Variants in RIPOR2 observed in about 807,000 individuals in gnomAD.
RIPOR2 encodes the protein RHO family interacting cell polarization regulator 2.
A neutral mutation model predicts 114.5 loss-of-function variants in RIPOR2; 39 were observed. The observed-to-expected ratio is 0.34, with a 90% confidence interval of 0.26 to 0.44. RIPOR2 has a LOEUF of 0.44. RIPOR2 is among the 20% of genes least tolerant of loss of function. The pLI, the probability that RIPOR2 is intolerant of heterozygous loss-of-function variation, is 1.00. For synonymous variants in RIPOR2, 445 were observed against 484.4 expected, an observed-to-expected ratio of 0.92 and a Z score of 1.07; for missense variants, 1,007 against 1,255.1, an observed-to-expected ratio of 0.80 and a Z score of 2.99.
chr6:25,018,881 T>C (rs1776155936), intron 1 of RIPOR2, among the ~76,000 whole-genome samples: 1 of 152,188 alleles, frequency 6.6e-6, no homozygotes, highest in African/African-American at 2.4e-5. Context: ...ATTGAGAGTT[T>C]GGATATCTAT....
intron 21 of RIPOR2, among the ~76,000 whole-genome samples, chr6:24,809,497 T>G (rs965346563): frequency 6.6e-6 from 1 of 152,204 alleles, no homozygotes; most frequent in South Asian, 2.1e-4. Flanking sequence ...CCAGACAATA[T>G]AGTTCACTCT....
At chr6:25,024,162 T>A in intron 1 of RIPOR2, 2 of 1,219,816 alleles carry the variant, frequency 1.6e-6, no homozygotes, top group Non-Finnish European at 2.4e-6. Flanking sequence ...CCCCTCCTGC[T>A]GGGCGATTTC....
intron 8 of RIPOR2, among the ~76,000 whole-genome samples, chr6:24,859,549 GA>G (rs142406387): frequency 1.9e-4 from 29 of 152,078 alleles, no homozygotes; most frequent in Non-Finnish European, 3.8e-4. Context: ...CTAAAAAATG[GA>G]AAAAAGCACA....
At chr6:24,853,245 C>T (rs190132265) in intron 8 of RIPOR2, among the ~76,000 whole-genome samples, 83 of 152,294 alleles carry the variant, frequency 5.4e-4, no homozygotes, top group Non-Finnish European at 5.4e-4. Flanking sequence ...AAAAGAAAGA[C>T]GGGACTTTTC....
chr6:24,976,591 T>A lies in RIPOR2; in HGVS notation c.76+65260A>T, dbSNP rs189127763. 1,084 of 1,605,310 alleles carry A rather than the reference T, an allele frequency of 6.8e-4. 11 individuals are homozygous for A. The East Asian group carries it at 9.7e-3, about 14-fold the overall frequency. On this transcript the variant is annotated intron_variant, in intron 1 of 13. Transcript: ENST00000510784. ...CAAGGTCCCAAAGACAGCAGAAAAT[T>A]TTCGTGCTCTGAGCACTGGAGAGAA...
intron 1 of RIPOR2, among the ~76,000 whole-genome samples, chr6:24,915,315 C>G (rs1035113791): frequency 6.6e-6 from 1 of 151,266 alleles, no homozygotes; most frequent in African/African-American, 2.4e-5. Flanking sequence ...TTGAATTCTT[C>G]ATTTGCTGCT....
intron 1 of RIPOR2, among the ~76,000 whole-genome samples, chr6:24,903,938 A>G (rs1768715699): frequency 6.6e-6 from 1 of 152,238 alleles, no homozygotes; most frequent in Admixed American, 6.5e-5. Context: ...CAGCTGCGTC[A>G]GATAGAGTGA....
In RIPOR2 at chr6:24,996,980, C is replaced by G. The variant is rs145619808; in HGVS notation, c.76+44871G>C. Reference sequence around the variant, plus strand: ...CTAACTTGTTTTGGAATGGGTTTTCCTTAGGGGCAATCATACATACGCTGA... The same window carrying G: ...CTAACTTGTTTTGGAATGGGTTTTCGTTAGGGGCAATCATACATACGCTGA... On this transcript the variant is annotated intron_variant, in intron 1 of 13. Transcript: ENST00000510784. 1.9e-3 allele frequency among the ~76,000 whole-genome samples: 291 copies of G among 152,262 alleles called. 4 individuals carry two copies. The highest frequency in any genetic ancestry group is 0.018 in the East Asian group (95 of 5,188).
At chr6:24,874,373 A>G (rs1215686501) in intron 2 of RIPOR2, among the ~76,000 whole-genome samples, 1 of 152,158 alleles carries the variant, frequency 6.6e-6, no homozygotes, top group Non-Finnish European at 1.5e-5. Flanking sequence ...AGACTCTCAA[A>G]GTGCTGGGAT....
chr6:25,019,364 G>A (rs562090874), intron 1 of RIPOR2, among the ~76,000 whole-genome samples: 199 of 152,076 alleles, frequency 1.3e-3, no homozygotes, highest in African/African-American at 4.6e-3. Context: ...CTTAAAAAAC[G>A]TATGCCCTTT....
At chr6:24,918,835 C>G (rs1770272713) in intron 1 of RIPOR2, among the ~76,000 whole-genome samples, 1 of 152,158 alleles carries the variant, frequency 6.6e-6, no homozygotes, top group Admixed American at 6.6e-5. Flanking sequence ...TACTCCTGCT[C>G]CTAGGCTCTG....
intron 1 of RIPOR2, among the ~76,000 whole-genome samples, chr6:25,012,175 T>G (rs1348248559): frequency 6.6e-6 from 1 of 152,134 alleles, no homozygotes; most frequent in Non-Finnish European, 1.5e-5. Context: ...ATTAAAACCA[T>G]AATGAGATCC....
chr6:24,873,809 G>C lies in RIPOR2; in HGVS notation c.189-10C>G, dbSNP rs1203303939. On this transcript the variant is annotated splice_polypyrimidine_tract_variant and intron_variant, in intron 2 of 21. Transcript: ENST00000643898. ...AATGAAGGAGTTACACCTATGGAAA[G>C]AACAGAAGAAATTGTGAGGATTGGG... The C allele has an allele frequency of 4.4e-6, 7 of 1,592,124 alleles. No individual in the cohort carries two copies. The highest frequency in any genetic ancestry group is 6.0e-6 in the Non-Finnish European group (7 of 1,173,654).
chr6:24,947,751 A>G (rs1285177839), intron 1 of RIPOR2: 5 of 151,922 alleles, frequency 3.3e-5, no homozygotes, highest in Non-Finnish European at 7.4e-5. Flanking sequence ...GAAGGAAAAG[A>G]GTAGGGGAAG....
upstream of RIPOR2, among the ~76,000 whole-genome samples, chr6:24,937,110 T>C (rs533757674): frequency 6.6e-6 from 1 of 152,144 alleles, no homozygotes; most frequent in South Asian, 2.1e-4. Flanking sequence ...ACACTGAGGG[T>C]TAACTGAGCA....
intron 1 of RIPOR2, among the ~76,000 whole-genome samples, chr6:24,910,363 C>T (rs972798344): frequency 5.3e-5 from 8 of 152,174 alleles, no homozygotes; most frequent in Admixed American, 1.3e-4. Context: ...TTGAGACTGC[C>T]ATCCCAGCCC....
upstream of RIPOR2, among the ~76,000 whole-genome samples, chr6:24,940,272 A>AT (rs1321308962): frequency 1.3e-5 from 2 of 152,186 alleles, no homozygotes; most frequent in African/African-American, 2.4e-5. Context: ...TAGTGGAAAA[A>AT]TTTCAACATC....
At position 24,808,091 on chromosome 6, in the gene RIPOR2, C is replaced by T. The variant is rs374993998; in HGVS notation, c.3044-1618G>A. Among the ~76,000 whole-genome samples the T allele has an allele frequency of 3.5e-4, 53 of 152,286 alleles. 1 individual carries two copies. The South Asian group carries it at 7.9e-3, about 23-fold the overall frequency. On this transcript the variant is annotated intron_variant, in intron 21 of 21. Transcript: ENST00000643898. ...AATCTTTGGGAGTAGATTGTTTAAGCTTCCCTGGCAAATGTGCAGCCAGTG... is the reference window on the plus strand; with the variant it reads ...AATCTTTGGGAGTAGATTGTTTAAGTTTCCCTGGCAAATGTGCAGCCAGTG...
chr6:24,833,079 A>G (rs79219035), intron 15 of RIPOR2, among the ~76,000 whole-genome samples: 4,009 of 152,276 alleles, frequency 0.026, 161 homozygotes, highest in African/African-American at 0.084. Context: ...GAATGAGAAG[A>G]CCTAAGAGAA....
Sources: gnomAD v4.1 joint callset for allele counts (sites outside exome capture counted in the v4.1 genomes callset) on GRCh38, gnomAD v4.1.1 for gene constraint, MANE v1.5 for transcripts, NCBI Gene and HGNC (gene_info 2026-07-23, HGNC 2026-07-21) for gene names.